The following SYCP1 variants were observed in gnomAD, a reference collection of about 807,000 sequenced individuals.
SYCP1 encodes the protein cancer/testis antigen 8.
SYCP1 carries 64 observed loss-of-function variants against 153.1 expected under a neutral mutation model. The ratio of observed to expected loss-of-function variants is 0.42; its 90% CI spans 0.34 to 0.51. The LOEUF is 0.51. Among genes scored for constraint, SYCP1 ranks in the 20% least tolerant of loss-of-function variants. The probability of loss-of-function intolerance (pLI) is 0.06; values close to 1 mark genes in which losing one functional copy is unlikely to be tolerated. For missense variants in SYCP1, 997 were observed against 1,049.0 expected (o/e 0.95, Z 0.68); for synonymous variants, 384 against 341.8 (o/e 1.12, Z -1.36).
At chr1:114,974,053 T>C (rs998271246) in intron 27 of SYCP1, among the ~76,000 whole-genome samples, 6 of 151,902 alleles carry the variant, frequency 3.9e-5, no homozygotes, top group African/African-American at 1.4e-4. Flanking sequence ...ATTCATATTG[T>C]GACCCTCACT....
chr1:114,934,878 C>T (rs549747753), intron 23 of SYCP1, among the ~76,000 whole-genome samples: 27 of 152,212 alleles, frequency 1.8e-4, no homozygotes, highest in African/African-American at 6.3e-4. Context: ...ATATATGTAC[C>T]CAATACAGGA....
intron 7 of SYCP1, among the ~76,000 whole-genome samples, chr1:114,860,528 G>A (rs1210907804): frequency 6.6e-6 from 1 of 152,026 alleles, no homozygotes; most frequent in East Asian, 1.9e-4. Flanking sequence ...TACTTTTAAA[G>A]GGAGGCAATT....
chr1:114,855,277 C>T (rs1663856639), intron 1 of SYCP1, 164 bp from the exon 2 acceptor site: 2 of 382,146 alleles, frequency 5.2e-6, no homozygotes, highest in Non-Finnish European at 9.5e-6. Flanking sequence ...GTTGCCCACT[C>T]CGCGGTAAGC....
chr1:114,962,099 G>A (rs1428397567), intron 27 of SYCP1, among the ~76,000 whole-genome samples: 3 of 150,182 alleles, frequency 2.0e-5, no homozygotes, highest in East Asian at 2.0e-4. Context: ...TGCATCAGCC[G>A]CCTGAGTAGA....
At chr1:114,956,688 C>G (rs1671455800) in intron 27 of SYCP1, among the ~76,000 whole-genome samples, 1 of 152,180 alleles carries the variant, frequency 6.6e-6, no homozygotes, top group Non-Finnish European at 1.5e-5. Context: ...CTCCTTGGAT[C>G]TTTCCCAGGC....
intron 27 of SYCP1, among the ~76,000 whole-genome samples, chr1:114,973,944 T>A (rs765421420): frequency 2.5e-4 from 38 of 151,986 alleles, no homozygotes; most frequent in Non-Finnish European, 5.3e-4. Context: ...TTTTGATGAA[T>A]ACTATTTGTT....
intron 8 of SYCP1, among the ~76,000 whole-genome samples, chr1:114,870,081 A>G (rs1381941501): frequency 2.0e-5 from 3 of 152,152 alleles, no homozygotes; most frequent in African/African-American, 7.2e-5. Flanking sequence ...TGATGTGATC[A>G]TAGTTCACTG....
rs1200741790 is a variant in SYCP1, at chr1:114,994,781, A to G, written c.2787A>G (p.Pro929=). 23 of 1,586,998 alleles carry G rather than the reference A, an allele frequency of 1.4e-5. No homozygotes were observed. The highest frequency in any genetic ancestry group is 1.8e-5 in the Non-Finnish European group (21 of 1,171,328). ...CTTCTCATCTTTGTGTCAAAACACC[A>G]AAAAAGGTAGCTTTTAAATTTTATT... ...PPASHLCVKT[P]KKAPSSLTTP... is the part of the protein sequence containing the mutation. Residue 929 remains proline, a synonymous_variant, in exon 31 of 32, where the codon CCA becomes CCG. Coordinates refer to ENST00000369522, the MANE Select transcript of SYCP1 (RefSeq NM_003176.4).
intron 23 of SYCP1, among the ~76,000 whole-genome samples, chr1:114,938,825 T>G (rs1670201697): frequency 6.6e-6 from 1 of 152,148 alleles, no homozygotes; most frequent in Admixed American, 6.6e-5. Flanking sequence ...ATATGCTTAA[T>G]ATCAGTAATC....
intron 8 of SYCP1, among the ~76,000 whole-genome samples, chr1:114,864,925 C>G (rs1664634791): frequency 6.6e-6 from 1 of 152,012 alleles, no homozygotes; most frequent in Non-Finnish European, 1.5e-5. Flanking sequence ...AGGTTAGTTA[C>G]ATATGTATAC....
intron 15 of SYCP1, 28 bp downstream of exon 15, chr1:114,887,721 T>TATAATAAG: frequency 7.5e-7 from 1 of 1,337,356 alleles, no homozygotes; most frequent in Non-Finnish European, 1.0e-6. Context: ...ATGTGTGTAC[T>TATAATAAG]TTAATAATAT....
intron 23 of SYCP1, among the ~76,000 whole-genome samples, chr1:114,936,932 A>G (rs1021164331): frequency 5.9e-5 from 9 of 152,200 alleles, no homozygotes; most frequent in African/African-American, 2.2e-4. Context: ...ATGCTCATGG[A>G]TAGGAAGAAT....
At chr1:114,888,703 T>C (rs1666482753) in intron 15 of SYCP1, among the ~76,000 whole-genome samples, 1 of 152,142 alleles carries the variant, frequency 6.6e-6, no homozygotes, top group Non-Finnish European at 1.5e-5. Context: ...CTATACTTAC[T>C]TTTTAAAAAT....
chr1:114,959,577 C>T (rs977703530), intron 27 of SYCP1, among the ~76,000 whole-genome samples: 1 of 152,068 alleles, frequency 6.6e-6, no homozygotes, highest in Non-Finnish European at 1.5e-5. Flanking sequence ...CTTTGTATTA[C>T]AAACAATCCA....
intron 14 of SYCP1, 108 bp from the exon 15 acceptor site, chr1:114,887,518 G>A: frequency 1.8e-6 from 1 of 569,998 alleles, no homozygotes; most frequent in Non-Finnish European, 3.0e-6. Flanking sequence ...CAATCCAGTG[G>A]GTGAATCTAT....
chr1:114,981,539 T>C (rs1268892248), intron 29 of SYCP1, 27 bp downstream of exon 29: 4 of 1,554,962 alleles, frequency 2.6e-6, no homozygotes. Flanking sequence ...TCCATGTTAG[T>C]AGTAATTTTT....
At chr1:114,923,753 C>T (rs556672842) in intron 21 of SYCP1, 17 of 298,200 alleles carry the variant, frequency 5.7e-5, no homozygotes, top group African/African-American at 3.3e-4. Flanking sequence ...TTTCTTTTAA[C>T]GTGTTAAATA....
intron 14 of SYCP1, 123 bp from the exon 15 acceptor site, chr1:114,887,502 GT>G: frequency 1.9e-6 from 1 of 512,848 alleles, no homozygotes; most frequent in Non-Finnish European, 3.4e-6. Context: ...CTTAATAAAT[GT>G]TTAACAATCC....
rs528204621 is a variant in SYCP1 at position 114,878,257 on chromosome 1, T to G, written c.910+55T>G. On this transcript the variant is annotated intron_variant, in intron 12 of 31. Transcript: ENST00000369522. The stretch of plus-strand genomic sequence containing the variant: ...GCCTTATGTATTCCTCTTGTTATGT[T>G]CTAAACATTGACTTTCATTACAAGT... 116 of 1,127,354 alleles carry G rather than the reference T, an allele frequency of 1.0e-4. No individual in the cohort carries two copies. The African/African-American group carries it at 1.6e-3, about 16-fold the overall frequency. 69.8% of individuals were successfully genotyped at this position (1,127,354 alleles called of 1,614,324 possible).
Sources: allele counts gnomAD v4.1 joint callset (sites outside exome capture counted in the v4.1 genomes callset), GRCh38; gene constraint gnomAD v4.1.1; transcripts MANE v1.5; gene names NCBI Gene and HGNC (gene_info 2026-07-23, HGNC 2026-07-21).